The following CD109 variants were observed in gnomAD, a reference collection of about 807,000 sequenced individuals.
The protein encoded by CD109 is CD109 molecule, also known as CD109 antigen.
A neutral mutation model predicts 165.8 loss-of-function variants in CD109; 149 were observed. The ratio of observed to expected loss-of-function variants is 0.90; its 90% CI spans 0.79 to 1.03. The LOEUF is 1.03. CD109 is among the 50% of genes least tolerant of loss of function. The pLI is 0.00. For synonymous variants in CD109, 585 were observed against 592.1 expected (o/e 0.99, Z 0.18); for missense variants, 1,712 against 1,677.8 (o/e 1.02, Z -0.36).
In CD109 at chr6:73,810,085, T is replaced by G; in HGVS notation, c.3457T>G (p.Phe1153Val). Reference protein sequence around the residue: ...EVAAYALLSHFLQFQTSEGIP... With the variant: ...EVAAYALLSHVLQFQTSEGIP... ...TGCAGCCTATGCACTGCTCTCACACTTCTTACAATTTCAGACTTCTGAGGG... is the reference window on the plus strand; with the variant it reads ...TGCAGCCTATGCACTGCTCTCACACGTCTTACAATTTCAGACTTCTGAGGG... Residue 1153 changes from phenylalanine (F) to valine (V), a missense_variant, in exon 27 of 33, where the codon TTC becomes GTC. Phe to Val is a conservative substitution (Grantham distance 50). Coordinates refer to ENST00000287097, the MANE Select transcript of CD109 (RefSeq NM_133493.5). 2 of 1,610,760 alleles carry G rather than the reference T, an allele frequency of 1.2e-6. No homozygotes were observed. The highest frequency in any genetic ancestry group is 1.7e-6 in the Non-Finnish European group (2 of 1,178,930).
chr6:73,823,536 G>C lies in CD109; in HGVS notation c.4241G>C (p.Arg1414Pro). Residue 1414 changes from arginine (R) to proline (P), a missense_variant, in exon 33 of 33, where the codon CGT becomes CCT. Arg to Pro is a moderately radical substitution (Grantham distance 103, BLOSUM62 -2). Transcript: ENST00000287097. ...CDLCSDVQGC[R>P]PCEDGASGSH... Reference sequence around the variant, plus strand: ...CTTTGCAGTGATGTCCAGGGCTGCCGTCCTTGTGAGGATGGAGCTTCAGGC... The same window carrying C: ...CTTTGCAGTGATGTCCAGGGCTGCCCTCCTTGTGAGGATGGAGCTTCAGGC... The C allele has an allele frequency of 6.2e-7, 1 of 1,613,950 alleles. No individual in the cohort carries two copies. Among genetic ancestry groups the C allele is most frequent in the Non-Finnish European group, 8.5e-7 (1 of 1,179,908 alleles).
At position 73,766,458 on chromosome 6, in the gene CD109, A is replaced by C. The variant is rs1208211305; in HGVS notation, c.1333-301A>C. Among the ~76,000 whole-genome samples the C allele has an allele frequency of 2.0e-5, 3 of 151,888 alleles. No individual in the cohort carries two copies. The East Asian group carries it at 5.8e-4, about 29-fold the overall frequency. On this transcript the variant is annotated intron_variant, in intron 11 of 32. Transcript: ENST00000287097. ...CAGTCATTTGAAATTTTATTTTGGC[A>C]GGAATTGAAATGAAAGATAAATATA...
chr6:73,818,537 T>G lies in CD109; in HGVS notation c.4059+2T>G, dbSNP rs768908770. 6.2e-7 allele frequency: 1 copy of G among 1,612,136 alleles called. No individual in the cohort carries two copies. Among genetic ancestry groups the G allele is most frequent in the Non-Finnish European group, 8.5e-7 (1 of 1,179,278 alleles). On this transcript the variant is annotated splice_donor_variant, in intron 31 of 32. Coordinates refer to ENST00000287097, the MANE Select transcript of CD109 (RefSeq NM_133493.5). LOFTEE classifies it high-confidence loss of function. ...AAACTCAACCTCTATTTAGATTCTG[T>G]AAGTAGTAAAACATAAGGTAACTGT...
chr6:73,781,268 C>G lies in CD109; in HGVS notation c.1912C>G (p.Leu638Val). The G allele has an allele frequency of 6.2e-7, 1 of 1,611,892 alleles. No individual in the cohort carries two copies. Among genetic ancestry groups the G allele is most frequent in the Non-Finnish European group, 8.5e-7 (1 of 1,178,272 alleles). Reference protein sequence around the residue: ...NSFAVFQECGLWVLTDANLTK... With the variant: ...NSFAVFQECGVWVLTDANLTK... ...AAATTATTCTTTTTAGGAATGTGGA[C>G]TCTGGGTATTGACAGATGCAAACCT... The change falls in exon 17 of 33, where the codon CTC becomes GTC. Residue 638 changes from leucine to valine, a missense_variant. Physicochemically the swap from Leu to Val is conservative, Grantham distance 32 (BLOSUM62 1). Coordinates refer to ENST00000287097, the MANE Select transcript of CD109 (RefSeq NM_133493.5).
intron 5 of CD109, among the ~76,000 whole-genome samples, chr6:73,741,658 TG>T (rs1373122164): frequency 1.3e-5 from 2 of 152,146 alleles, no homozygotes; most frequent in East Asian, 3.9e-4. Context: ...TAATTGCACA[TG>T]GTTTTTTTGT....
chr6:73,689,493 TG>T, the CD109 span, among the ~76,000 whole-genome samples: 17 of 152,332 alleles, frequency 1.1e-4, no homozygotes, highest in African/African-American at 3.4e-4. Flanking sequence ...TGCATTTTGG[TG>T]GCCAGTGTGT....
chr6:73,716,745 G>C (rs1771758775), intron 2 of CD109, among the ~76,000 whole-genome samples: 1 of 152,128 alleles, frequency 6.6e-6, no homozygotes, highest in Admixed American at 6.5e-5. Context: ...TCATTTTGTT[G>C]ATTGTTTCCT....
intron 30 of CD109, among the ~76,000 whole-genome samples, chr6:73,817,582 G>T (rs1402220571): frequency 6.6e-6 from 1 of 152,154 alleles, no homozygotes; most frequent in Non-Finnish European, 1.5e-5. Context: ...AGGACAACAG[G>T]TACTAACTTA....
At chr6:73,802,287 G>GTATA (rs1325164770) in intron 23 of CD109, among the ~76,000 whole-genome samples, 9 of 94,782 alleles carry the variant, frequency 9.5e-5, no homozygotes, top group South Asian at 3.4e-4. Flanking sequence ...GTGTGTGTGT[G>GTATA]TGTATATATA....
At chr6:73,718,999 A>G (rs1297232098) in intron 2 of CD109, among the ~76,000 whole-genome samples, 1 of 152,244 alleles carries the variant, frequency 6.6e-6, no homozygotes, top group African/African-American at 2.4e-5. Flanking sequence ...TAAAAAAGAA[A>G]GAGAAACAGG....
intron 2 of CD109, among the ~76,000 whole-genome samples, chr6:73,707,989 TATATATATATATATATA>T (rs1771358251): frequency 6.9e-5 from 8 of 115,278 alleles, no homozygotes; most frequent in African/African-American, 2.8e-4. Context: ...TATATATATA[TATATATATATATATATA>T]TATTTATTAT....
chr6:73,751,221 C>G (rs1023719483), intron 5 of CD109, among the ~76,000 whole-genome samples: 2 of 152,220 alleles, frequency 1.3e-5, no homozygotes, highest in African/African-American at 4.8e-5. Flanking sequence ...CTGTTGTCAT[C>G]TGCATGAGAC....
chr6:73,814,565 T>G (rs75564381), intron 29 of CD109, among the ~76,000 whole-genome samples: 22 of 152,312 alleles, frequency 1.4e-4, no homozygotes, highest in African/African-American at 5.1e-4. Flanking sequence ...CTTCAATGTT[T>G]TAGTTTTGAT....
chr6:73,806,973 A>C lies in CD109; in HGVS notation c.3090A>C (p.Pro1030=). The change falls in exon 25 of 33, where the codon CCA becomes CCC. Residue 1030 remains proline, a synonymous_variant. Coordinates refer to ENST00000287097, the MANE Select transcript of CD109 (RefSeq NM_133493.5). ...HQKSNGEFWD[P]GRVIHSELQG... ...AATCCAACGGTGAATTTTGGGATCC[A>C]GGAAGAGTGATTCATAGTGAGCTTC... The C allele has an allele frequency of 1.2e-6, 2 of 1,614,096 alleles. No individual in the cohort carries two copies. The highest frequency in any genetic ancestry group is 2.7e-5 in the African/African-American group (2 of 75,046).
At chr6:73,773,298 T>A (rs1489535729) in intron 15 of CD109, among the ~76,000 whole-genome samples, 1 of 151,506 alleles carries the variant, frequency 6.6e-6, no homozygotes, top group Non-Finnish European at 1.5e-5. Flanking sequence ...TTGGTTCATA[T>A]TTTCCTGGTG....
chr6:73,723,339 A>G, intron 3 of CD109, 60 bp downstream of exon 3: 1 of 1,264,344 alleles, frequency 7.9e-7, no homozygotes, highest in Non-Finnish European at 1.1e-6. Flanking sequence ...AACTAAATAA[A>G]TTAATATTTT....
At chr6:73,780,675 A>G (rs1433634736) in intron 16 of CD109, among the ~76,000 whole-genome samples, 177 bp downstream of exon 16, 1 of 151,392 alleles carries the variant, frequency 6.6e-6, no homozygotes, top group East Asian at 1.9e-4. Context: ...TTAAAAGCAA[A>G]TGGAACAATT....
At chr6:73,731,513 G>C (rs1457210640) in intron 4 of CD109, among the ~76,000 whole-genome samples, 1 of 152,238 alleles carries the variant, frequency 6.6e-6, no homozygotes, top group Non-Finnish European at 1.5e-5. Flanking sequence ...CGAGGGGACA[G>C]GTGCTAGGAC....
At chr6:73,702,382 C>T (rs1274189151) in intron 2 of CD109, among the ~76,000 whole-genome samples, 2 of 152,106 alleles carry the variant, frequency 1.3e-5, no homozygotes, top group South Asian at 4.2e-4. Context: ...TTTCATGCCT[C>T]GTAGATAAAA....
Sources: gnomAD v4.1 joint callset for allele counts (sites outside exome capture counted in the v4.1 genomes callset) on GRCh38, gnomAD v4.1.1 for gene constraint, MANE v1.5 for transcripts, NCBI Gene and HGNC (gene_info 2026-07-23, HGNC 2026-07-21) for gene names.